Variants in AAR2 observed in about 807,000 individuals in gnomAD.
AAR2 encodes protein AAR2 homolog.
In AAR2, 31 loss-of-function variants were observed where a neutral mutation model predicts 26.9. The ratio of observed to expected loss-of-function variants is 1.15; its 90% CI spans 0.86 to 1.55. AAR2 has a LOEUF of 1.55. Among genes scored for constraint, AAR2 ranks in the 40% most tolerant of loss-of-function variants. The pLI is 0.00. For missense variants in AAR2, 430 were observed against 491.3 expected, an observed-to-expected ratio of 0.88 and a Z score of 1.18; for synonymous variants, 188 against 196.1, an observed-to-expected ratio of 0.96 and a Z score of 0.34.
At chr20:36,236,773 G>T (rs554113816) in intron 1 of AAR2, 9 of 152,364 alleles carry the variant, frequency 5.9e-5, no homozygotes, top group Admixed American at 2.0e-4. Context: ...TACTCTCTGC[G>T]TGACTTCCAG....
At chr20:36,240,759 T>C in intron 2 of AAR2, 134 bp downstream of exon 2, 1 of 1,213,044 alleles carries the variant, frequency 8.2e-7, no homozygotes, top group Non-Finnish European at 1.1e-6. Flanking sequence ...TACAGGTGTG[T>C]CTTTACCCTT....
chr20:36,243,023 A>G (rs2064699537), intron 2 of AAR2, among the ~76,000 whole-genome samples: 1 of 151,836 alleles, frequency 6.6e-6, no homozygotes, highest in African/African-American at 2.4e-5. Flanking sequence ...ACGCCCAGCT[A>G]ATTATTTTTG....
At chr20:36,254,486 A>G (rs2064803918) in intron 3 of AAR2, among the ~76,000 whole-genome samples, 1 of 148,824 alleles carries the variant, frequency 6.7e-6, no homozygotes, top group African/African-American at 2.6e-5. Context: ...AGAGTTGGAA[A>G]GTAGAATGTG....
At chr20:36,238,920 CAGTG>C in intron 1 of AAR2, among the ~76,000 whole-genome samples, 1 of 152,052 alleles carries the variant, frequency 6.6e-6, no homozygotes, top group Non-Finnish European at 1.5e-5. Context: ...TGCAGGCACT[CAGTG>C]AGTATTTGTT....
chr20:36,241,317 A>C (rs1053805158), intron 2 of AAR2, among the ~76,000 whole-genome samples: 2 of 152,114 alleles, frequency 1.3e-5, no homozygotes, highest in African/African-American at 2.4e-5. Flanking sequence ...GTGTCTGTAT[A>C]TATATGAGTT....
rs1356008286 is a variant in AAR2, at chr20:36,240,292, G to A, written c.424G>A (p.Glu142Lys). The change falls in exon 2 of 4, where the codon GAA becomes AAA. Residue 142 changes from glutamate to lysine, a missense_variant. Physicochemically the swap from Glu to Lys is moderately conservative, Grantham distance 56. Coordinates refer to ENST00000320849, the MANE Select transcript of AAR2 (RefSeq NM_001271874.2). ...GATCTCACTCACCAACTTCATCAGC[G>A]AAGCCACAGTGGAGAAGCTACAGCC... is the stretch of plus-strand genomic sequence containing the variant. Reference protein sequence around the residue: ...KWISLTNFISEATVEKLQPEN... With the variant: ...KWISLTNFISKATVEKLQPEN... The A allele has an allele frequency of 9.3e-6, 15 of 1,614,202 alleles. No individual in the cohort carries two copies. Among genetic ancestry groups the A allele is most frequent in the African/African-American group, 1.3e-5 (1 of 75,052 alleles).
intron 1 of AAR2, among the ~76,000 whole-genome samples, chr20:36,239,267 C>G (rs982718317): frequency 1.3e-5 from 2 of 152,170 alleles, no homozygotes; most frequent in African/African-American, 4.8e-5. Context: ...CCTGAACAAA[C>G]TTTAGATGCT....
intron 1 of AAR2, among the ~76,000 whole-genome samples, chr20:36,237,499 A>G (rs952380344): frequency 3.3e-5 from 5 of 152,188 alleles, no homozygotes; most frequent in Admixed American, 3.3e-4. Context: ...GCAGAGTTCT[A>G]TGCATATTTA....
chr20:36,239,984 G>A lies in AAR2; in HGVS notation c.116G>A (p.Trp39Ter). Reference protein sequence around the residue: ...GTEFGIDYNSWEVGPKFRGVK... With the variant: ...GTEFGIDYNS Reference sequence around the variant, plus strand: ...GAGTTTGGGATTGACTATAACTCCTGGGAGGTCGGGCCCAAGTTCCGGGGC... The same window carrying A: ...GAGTTTGGGATTGACTATAACTCCTAGGAGGTCGGGCCCAAGTTCCGGGGC... The change falls in exon 2 of 4, where the codon TGG (tryptophan) becomes TAG (stop). Residue 39 changes from tryptophan to a stop codon, truncating the protein, a stop_gained. Coordinates refer to ENST00000320849, the MANE Select transcript of AAR2 (RefSeq NM_001271874.2). LOFTEE classifies it high-confidence loss of function. 6.2e-7 allele frequency: 1 copy of A among 1,614,206 alleles called. No individual in the cohort carries two copies. Among genetic ancestry groups the A allele is most frequent in the South Asian group, 1.1e-5 (1 of 91,078 alleles).
intron 2 of AAR2, among the ~76,000 whole-genome samples, chr20:36,240,894 C>G (rs2064674491): frequency 6.6e-6 from 1 of 152,102 alleles, no homozygotes; most frequent in Admixed American, 6.5e-5. Flanking sequence ...ACTGATAGAG[C>G]CCAGTCCTAC....
chr20:36,244,100 T>C (rs2064710054), intron 2 of AAR2, among the ~76,000 whole-genome samples: 1 of 152,262 alleles, frequency 6.6e-6, no homozygotes, highest in Non-Finnish European at 1.5e-5. Context: ...ATGTGTGGCC[T>C]TGGGCAAGCC....
In AAR2 at chr20:36,241,419, G is replaced by T. The variant is rs1480187450; in HGVS notation, c.757+794G>T. ...GTCACTAACAGTCACTTTTTTAGTG[G>T]CTGTTTCATGTTCCATAGTTATTGG... On this transcript the variant is annotated intron_variant, in intron 2 of 3. Coordinates refer to ENST00000320849, the MANE Select transcript of AAR2 (RefSeq NM_001271874.2). Among the ~76,000 whole-genome samples, 2 of 152,064 alleles carry T rather than the reference G, an allele frequency of 1.3e-5. 1 individual carries two copies. The highest frequency in any genetic ancestry group is 1.3e-4 in the Admixed American group (2 of 15,262).
In AAR2 at chr20:36,256,107, G is replaced by C. The variant is rs970756074; in HGVS notation, c.*362G>C. 2.7e-5 allele frequency: 5 copies of C among 186,646 alleles called. No individual in the cohort carries two copies. Among genetic ancestry groups the C allele is most frequent in the Non-Finnish European group, 4.4e-5 (4 of 90,274 alleles). 11.6% of individuals were successfully genotyped at this position (186,646 alleles called of 1,614,324 possible). A position where few individuals can be genotyped will look rare whatever the true frequency, so the allele number is the denominator to read the frequency against. On this transcript the variant is annotated 3_prime_UTR_variant, in exon 4 of 4. Transcript: ENST00000320849. ...AAGTCCAAGAAAGAACTGATTGCTT[G>C]TTCCATAGGAGCTTAGGAAACAAGA...
At position 36,251,864 on chromosome 20, in the gene AAR2, G is replaced by A. The variant is rs143013715; in HGVS notation, c.988-3714G>A. ...TGCTTTGGGAGGATGGGTGATGAGC[G>A]TGAGCCCAGTTTGTTCCAGCCTGTC... On this transcript the variant is annotated intron_variant, in intron 3 of 3. Coordinates refer to ENST00000320849, the MANE Select transcript of AAR2 (RefSeq NM_001271874.2). 1.4e-4 allele frequency among the ~76,000 whole-genome samples: 22 copies of A among 152,364 alleles called. No individual in the cohort carries two copies. In the East Asian group the frequency reaches 1.5e-3, roughly 11 times the overall value.
chr20:36,240,410 G>A lies in AAR2; in HGVS notation c.542G>A (p.Cys181Tyr). The stretch of plus-strand genomic sequence containing the variant: ...CGCGTGGGGCAGAATCTACCCCGCT[G>A]TGGCATTGAGTGCAAAAGCTACCAA... ...KDRVGQNLPR[C>Y]GIECKSYQEG... The change falls in exon 2 of 4, where the codon TGT (cysteine) becomes TAT (tyrosine). Residue 181 changes from cysteine (C) to tyrosine (Y), a missense_variant. Cys to Tyr is a radical substitution (Grantham distance 194, BLOSUM62 -2). Coordinates refer to ENST00000320849, the MANE Select transcript of AAR2 (RefSeq NM_001271874.2). The A allele has an allele frequency of 6.2e-7, 1 of 1,614,234 alleles. No homozygotes were observed. Among genetic ancestry groups the A allele is most frequent in the Non-Finnish European group, 8.5e-7 (1 of 1,180,052 alleles).
chr20:36,253,038 T>C (rs1280913748), intron 3 of AAR2, among the ~76,000 whole-genome samples: 1 of 152,100 alleles, frequency 6.6e-6, no homozygotes, highest in Non-Finnish European at 1.5e-5. Context: ...TTTAGTCGAT[T>C]CCCAAGTTAA....
Position 36,240,633 on chromosome 20 carries a change from G to A in AAR2, c.757+8G>A. On this transcript the variant is annotated splice_region_variant and intron_variant, in intron 2 of 3. Transcript: ENST00000320849. ...GCCCCCAGGATGTGCTTGGTGAGAAGGAACAAGGCTCTTTGGGAGTGGGCC... is the reference window on the plus strand; with the variant it reads ...GCCCCCAGGATGTGCTTGGTGAGAAAGAACAAGGCTCTTTGGGAGTGGGCC... 1 of 1,604,334 alleles carries A rather than the reference G, an allele frequency of 6.2e-7. No individual in the cohort carries two copies. The highest frequency in any genetic ancestry group is 8.5e-7 in the Non-Finnish European group (1 of 1,173,768).
chr20:36,244,618 T>C, intron 2 of AAR2, 79 bp from the exon 3 acceptor site: 2 of 1,373,582 alleles, frequency 1.5e-6, no homozygotes, highest in South Asian at 1.2e-5. Flanking sequence ...GTGGAATTCA[T>C]GGCCTTGTGA....
intron 2 of AAR2, among the ~76,000 whole-genome samples, chr20:36,242,672 C>T (rs1167076573): frequency 1.3e-5 from 2 of 152,116 alleles, no homozygotes; most frequent in Admixed American, 6.6e-5. Flanking sequence ...GAATTACAGG[C>T]GTGAGCCACC....
Sources: gnomAD v4.1 joint callset for allele counts (sites outside exome capture counted in the v4.1 genomes callset) on GRCh38, gnomAD v4.1.1 for gene constraint, MANE v1.5 for transcripts, NCBI Gene and HGNC (gene_info 2026-07-23, HGNC 2026-07-21) for gene names.